Variants in RASGEF1C observed in about 807,000 individuals in gnomAD.
The protein encoded by RASGEF1C is RasGEF domain family member 1C.
RASGEF1C carries 27 observed loss-of-function variants against 58.1 expected under a neutral mutation model. That is an observed-to-expected ratio of 0.46 (90% CI 0.34 to 0.64). The LOEUF is 0.64. RASGEF1C is among the 30% of genes least tolerant of loss of function. The probability of loss-of-function intolerance (pLI) is 0.01; values close to 1 mark genes in which losing one functional copy is unlikely to be tolerated. For missense variants in RASGEF1C, 502 were observed against 605.1 expected (o/e 0.83, Z 1.79); for synonymous variants, 243 against 246.3 (o/e 0.99, Z 0.13).
intron 1 of RASGEF1C, among the ~76,000 whole-genome samples, chr5:180,201,627 G>A (rs1316770130): frequency 1.3e-5 from 2 of 152,160 alleles, no homozygotes; most frequent in African/African-American, 2.4e-5. Flanking sequence ...AAAACCACAC[G>A]CAACACCTCA....
intron 1 of RASGEF1C, among the ~76,000 whole-genome samples, chr5:180,152,520 A>G (rs1766770873): frequency 2.2e-5 from 3 of 137,880 alleles, no homozygotes; most frequent in African/African-American, 8.1e-5. Flanking sequence ...CAATGAGAAC[A>G]CATGGACACA....
At chr5:180,128,688 G>T in intron 4 of RASGEF1C, 78 bp from the exon 5 acceptor site, 4 of 1,400,108 alleles carry the variant, frequency 2.9e-6, no homozygotes, top group Non-Finnish European at 3.0e-6. Flanking sequence ...GCAGCCACCT[G>T]GGCTCCAAAG....
chr5:180,200,310 C>CTTTCTT (rs1554116389), intron 1 of RASGEF1C, among the ~76,000 whole-genome samples: 3 of 90,222 alleles, frequency 3.3e-5, no homozygotes, highest in Non-Finnish European at 6.2e-5. Context: ...GTACATCATT[C>CTTTCTT]TTTTTTTTTT....
intron 1 of RASGEF1C, among the ~76,000 whole-genome samples, chr5:180,174,436 G>GTGCA (rs1767176454): frequency 1.4e-5 from 2 of 146,900 alleles, no homozygotes; most frequent in East Asian, 2.1e-4. Flanking sequence ...GCACACGTGT[G>GTGCA]TGTCTGTGCA....
At chr5:180,174,340 G>C (rs1236312483) in intron 1 of RASGEF1C, among the ~76,000 whole-genome samples, 1 of 152,042 alleles carries the variant, frequency 6.6e-6, no homozygotes, top group African/African-American at 2.4e-5. Context: ...GTTTTCTCTG[G>C]CTTCCCTCAG....
At chr5:180,104,163 AG>A (rs1321394344) in intron 12 of RASGEF1C, among the ~76,000 whole-genome samples, 1 of 152,174 alleles carries the variant, frequency 6.6e-6, no homozygotes. Context: ...TTTTAGTATC[AG>A]GGTAATACTG....
rs1452683725 is a variant in RASGEF1C, at chr5:180,143,750, T to C, written c.-6-5692A>G. Among the ~76,000 whole-genome samples, 1 of 152,232 alleles carries C rather than the reference T, an allele frequency of 6.6e-6. No homozygotes were observed. Among genetic ancestry groups the C allele is most frequent in the East Asian group, 1.9e-4 (1 of 5,188 alleles). On this transcript the variant is annotated intron_variant, in intron 1 of 13. Coordinates refer to ENST00000361132, the MANE Select transcript of RASGEF1C (RefSeq NM_175062.4). The surrounding 1 kb of genome is among the most constrained non-coding windows in gnomAD (Gnocchi z 4.3). Reference sequence around the variant, plus strand: ...GCACAGTTAGAAATGACATCTGTAGTGCCAAGGTGGTCAGTTTACAGACCC... The same window carrying C: ...GCACAGTTAGAAATGACATCTGTAGCGCCAAGGTGGTCAGTTTACAGACCC...
At chr5:180,174,532 CTG>C (rs367996839) in intron 1 of RASGEF1C, among the ~76,000 whole-genome samples, 2,285 of 143,732 alleles carry the variant, frequency 0.016, 26 homozygotes, top group Middle Eastern at 0.029. Context: ...ACGTGTGTCT[CTG>C]TGTGTGCGTG....
chr5:180,208,577 GGT>G (rs2127565521), intron 1 of RASGEF1C, among the ~76,000 whole-genome samples: 1 of 152,198 alleles, frequency 6.6e-6, no homozygotes, highest in African/African-American at 2.4e-5. Flanking sequence ...CATCCTCAAG[GGT>G]GACAGCACCC....
At chr5:180,145,696 G>C (rs1039331497) in intron 1 of RASGEF1C, among the ~76,000 whole-genome samples, 1 of 152,114 alleles carries the variant, frequency 6.6e-6, no homozygotes, top group Non-Finnish European at 1.5e-5. Context: ...AATTGGTTCC[G>C]TGACAGGATG....
chr5:180,199,784 C>T (rs900022491), intron 1 of RASGEF1C, among the ~76,000 whole-genome samples: 1 of 151,718 alleles, frequency 6.6e-6, no homozygotes, highest in African/African-American at 2.4e-5. Flanking sequence ...CCCACCACAG[C>T]CTCCCAAAGC....
intron 1 of RASGEF1C, among the ~76,000 whole-genome samples, chr5:180,208,662 T>G (rs982311836): frequency 6.6e-6 from 1 of 152,090 alleles, no homozygotes; most frequent in Admixed American, 6.5e-5. Flanking sequence ...CCCCATTTCA[T>G]AGACGGGGAA....
intron 1 of RASGEF1C, among the ~76,000 whole-genome samples, chr5:180,203,002 A>G (rs1756422691): frequency 6.6e-6 from 1 of 152,134 alleles, no homozygotes; most frequent in Non-Finnish European, 1.5e-5. Context: ...GCGCCTGGCC[A>G]GTACTCACAA....
chr5:180,154,857 A>G (rs1251663352), intron 1 of RASGEF1C, among the ~76,000 whole-genome samples: 1 of 152,146 alleles, frequency 6.6e-6, no homozygotes, highest in Non-Finnish European at 1.5e-5. Flanking sequence ...CTGGGATTAC[A>G]GGCATGAGCC....
At chr5:180,201,859 C>G (rs1411394587) in intron 1 of RASGEF1C, among the ~76,000 whole-genome samples, 1 of 152,222 alleles carries the variant, frequency 6.6e-6, no homozygotes, top group East Asian at 1.9e-4. Context: ...GAGGAGCCAT[C>G]TGCGAACCAG....
chr5:180,126,565 T>A lies in RASGEF1C; in HGVS notation c.714+1044A>T, dbSNP rs1766266175. 2.6e-5 allele frequency among the ~76,000 whole-genome samples: 4 copies of A among 152,140 alleles called. No homozygotes were observed. In the South Asian group the frequency reaches 8.3e-4, roughly 32 times the overall value. ...TTTTGTTACCCAAATGGTCACACACTCTCGCCCCTGCTCTTCCCTCTACCG... is the reference window on the plus strand; with the variant it reads ...TTTTGTTACCCAAATGGTCACACACACTCGCCCCTGCTCTTCCCTCTACCG... On this transcript the variant is annotated intron_variant, in intron 6 of 13. Transcript: ENST00000361132.
chr5:180,142,024 T>A (rs1766588310), intron 1 of RASGEF1C, among the ~76,000 whole-genome samples: 1 of 152,212 alleles, frequency 6.6e-6, no homozygotes, highest in Non-Finnish European at 1.5e-5. Context: ...TTGAAATCAC[T>A]GTTAAGTCTC....
At chr5:180,173,647 G>A (rs1372876244) in intron 1 of RASGEF1C, among the ~76,000 whole-genome samples, 1 of 152,208 alleles carries the variant, frequency 6.6e-6, no homozygotes, top group South Asian at 2.1e-4. Context: ...GGGCACGGTG[G>A]CTCCCGCCTG....
chr5:180,192,034 C>A (rs1476056796), intron 1 of RASGEF1C, among the ~76,000 whole-genome samples: 3 of 152,196 alleles, frequency 2.0e-5, no homozygotes, highest in Non-Finnish European at 2.9e-5. Context: ...TCCTCAAGAC[C>A]AAGAGCAGAG....
Sources: allele counts gnomAD v4.1 joint callset (sites outside exome capture counted in the v4.1 genomes callset), GRCh38; gene constraint gnomAD v4.1.1; non-coding constraint Gnocchi (gnomAD v3.1); transcripts MANE v1.5; gene names NCBI Gene and HGNC (gene_info 2026-07-23, HGNC 2026-07-21).